Variants in NBPF12 observed in about 807,000 individuals in gnomAD.
The protein encoded by NBPF12 is NBPF member 12, also known as NBPF family member NBPF12.
In NBPF12, 115 loss-of-function variants were observed where a neutral mutation model predicts 146.4. The observed-to-expected ratio is 0.79, with a 90% CI of 0.68 to 0.92. The LOEUF (loss-of-function observed/expected upper bound fraction) is 0.92. NBPF12 is among the 40% of genes least tolerant of loss of function. The pLI, the probability that NBPF12 is intolerant of heterozygous loss-of-function variation, is 0.00. For missense variants in NBPF12, 1,205 were observed against 1,326.8 expected (o/e 0.91, Z 1.43); for synonymous variants, 385 against 508.9 (o/e 0.76, Z 3.28).
chr1:146,939,322 G>C (rs1378608183), intron 1 of NBPF12, among the ~76,000 whole-genome samples: 1 of 152,006 alleles, frequency 6.6e-6, no homozygotes. Flanking sequence ...CCCCACCCTC[G>C]AGGCCGTTCC....
intron 4 of NBPF12, 112 bp from the exon 8 acceptor site, chr1:146,962,049 G>C: frequency 3.4e-6 from 3 of 873,640 alleles, no homozygotes; most frequent in South Asian, 1.4e-5. Flanking sequence ...CTAGACCCTG[G>C]TACTGGGGAG....
chr1:146,982,549 G>T (rs1293244838), intron 19 of NBPF12, among the ~76,000 whole-genome samples: 1 of 152,102 alleles, frequency 6.6e-6, no homozygotes, highest in East Asian at 1.9e-4. Flanking sequence ...CAAGATCTGT[G>T]TCTGCATTGG....
At chr1:146,954,558 G>A (rs1192409099) in intron 2 of NBPF12, among the ~76,000 whole-genome samples, 19 of 150,506 alleles carry the variant, frequency 1.3e-4, no homozygotes, top group African/African-American at 2.7e-4. Flanking sequence ...TCAGTTCTTC[G>A]TAAATTGATC....
In NBPF12 at chr1:146,970,737, G is replaced by T; in HGVS notation, c.1379+18G>T. 4 of 1,333,234 alleles carry T rather than the reference G, an allele frequency of 3.0e-6. No individual in the cohort carries two copies. The highest frequency in any genetic ancestry group is 4.3e-6 in the Non-Finnish European group (4 of 926,542). 82.6% of individuals were successfully genotyped at this position (1,333,234 alleles called of 1,614,324 possible). A position where few individuals can be genotyped will look rare whatever the true frequency, so the allele number is the denominator to read the frequency against. On this transcript the variant is annotated intron_variant, in intron 12 of 33. Coordinates refer to ENST00000617844, the Ensembl canonical transcript of NBPF12. ...TCCCCCAGGTGACACTGAATACTCA[G>T]GAGCAAGTAATGGGTGTTAACATAT... is the stretch of plus-strand genomic sequence containing the variant.
At position 146,974,849 on chromosome 1, in the gene NBPF12, G is replaced by T; in HGVS notation, c.1904+8G>T. 7.7e-7 allele frequency: 1 copy of T among 1,296,600 alleles called. No individual in the cohort carries two copies. Among genetic ancestry groups the T allele is most frequent in the Non-Finnish European group, 1.0e-6 (1 of 955,626 alleles). The allele number at this position is 1,296,600 out of a possible 1,614,324, so 80.3% of individuals were successfully genotyped here. A position where few individuals can be genotyped will look rare whatever the true frequency, so the allele number is the denominator to read the frequency against. On this transcript the variant is annotated splice_region_variant and intron_variant, in intron 15 of 33. Coordinates refer to ENST00000617844, the Ensembl canonical transcript of NBPF12. ...GCAAGCTGAGGAGCTCAGGTGAGGG[G>T]ACCCCATGGGGGCAGACAGGGGGGC...
intron 2 of NBPF12, among the ~76,000 whole-genome samples, chr1:146,956,451 C>T (rs1202037078): frequency 1.7e-3 from 254 of 151,658 alleles, no homozygotes; most frequent in African/African-American, 5.7e-3. Context: ...CATTTGTAAA[C>T]GTGCATTGAA....
chr1:146,984,960 T>C (rs1330762493), exon 22 of NBPF12: 194 of 1,356,232 alleles, frequency 1.4e-4, no homozygotes, highest in Non-Finnish European at 1.9e-4. Context: ...AGCAACAGCG[T>C]GTTGGCTTGG....
intron 9 of NBPF12, among the ~76,000 whole-genome samples, chr1:146,966,885 A>T (rs1397018975): frequency 6.7e-6 from 1 of 150,126 alleles, no homozygotes; most frequent in Non-Finnish European, 1.5e-5. Context: ...TGGGGGTGGG[A>T]CTAGAGTTAA....
chr1:146,961,681 A>T (rs1655860047), intron 4 of NBPF12, among the ~76,000 whole-genome samples: 1 of 152,026 alleles, frequency 6.6e-6, no homozygotes, highest in African/African-American at 2.4e-5. Flanking sequence ...CCATATCTGA[A>T]TATTGATTTA....
chr1:146,975,890 A>T, exon 16 of NBPF12: 1 of 1,610,510 alleles, frequency 6.2e-7, no homozygotes, highest in Non-Finnish European at 8.5e-7. Flanking sequence ...AGCTCAGCCC[A>T]GGTAAGGTGG....
chr1:146,972,386 G>T (rs1301171583), intron 13 of NBPF12, among the ~76,000 whole-genome samples: 117 of 150,368 alleles, frequency 7.8e-4, no homozygotes, highest in Admixed American at 6.6e-4. Context: ...AGAGTGAGAC[G>T]CCGTCTCAAA....
Position 146,973,035 on chromosome 1 carries a change from C to T in NBPF12, c.1801+75C>T. 8 of 782,216 alleles carry T rather than the reference C, an allele frequency of 1.0e-5. No homozygotes were observed. In the South Asian group the frequency reaches 1.1e-4, roughly 11 times the overall value. The allele number at this position is 782,216 out of a possible 1,614,324, so 48.5% of individuals were successfully genotyped here. A position where few individuals can be genotyped will look rare whatever the true frequency, so the allele number is the denominator to read the frequency against. Reference sequence around the variant, plus strand: ...TTCTCTCTGAGAAACTAAGTGCTCTCTCCATCAAAAATAATGTCATCCTCC... The same window carrying T: ...TTCTCTCTGAGAAACTAAGTGCTCTTTCCATCAAAAATAATGTCATCCTCC... On this transcript the variant is annotated intron_variant, in intron 14 of 33. Transcript: ENST00000617844.
At chr1:146,974,940 G>T (rs1656884903) in intron 15 of NBPF12, 99 bp downstream of exon 18, 1 of 586,268 alleles carries the variant, frequency 1.7e-6, no homozygotes, top group Non-Finnish European at 2.9e-6. Flanking sequence ...TGGGCCAGGG[G>T]AAGGGCAGGA....
At chr1:146,952,964 A>C (rs1339659678) in intron 2 of NBPF12, among the ~76,000 whole-genome samples, 1 of 150,814 alleles carries the variant, frequency 6.6e-6, no homozygotes, top group Admixed American at 6.6e-5. Flanking sequence ...GCTCCCACCA[A>C]GGAAGACCCA....
At chr1:146,992,432 C>T (rs1210856107) in intron 31 of NBPF12, among the ~76,000 whole-genome samples, 4 of 125,658 alleles carry the variant, frequency 3.2e-5, no homozygotes, top group Non-Finnish European at 6.5e-5. Flanking sequence ...TCACTGAGCT[C>T]GTTCTCTCTC....
In NBPF12 at chr1:146,986,022, T is replaced by G. The variant is rs1344624072; in HGVS notation, c.2891+266T>G. Reference sequence around the variant, plus strand: ...CTTGAGCAAGTTTATGGAAAATTATTGAGCCCACTGTTTTCATGATCACTG... The same window carrying G: ...CTTGAGCAAGTTTATGGAAAATTATGGAGCCCACTGTTTTCATGATCACTG... On this transcript the variant is annotated intron_variant, in intron 23 of 33. Coordinates refer to ENST00000617844, the Ensembl canonical transcript of NBPF12. Among the ~76,000 whole-genome samples, 130 of 151,962 alleles carry G rather than the reference T, an allele frequency of 8.6e-4. 1 individual carries two copies. Among genetic ancestry groups the G allele is most frequent in the African/African-American group, 2.9e-3 (118 of 41,214 alleles).
At chr1:146,981,353 T>C (rs1223771856) in intron 19 of NBPF12, among the ~76,000 whole-genome samples, 3 of 146,904 alleles carry the variant, frequency 2.0e-5, no homozygotes, top group Admixed American at 6.9e-5. Context: ...ACTATACATA[T>C]GGAAAAAAAA....
chr1:146,980,032 C>T (rs1204284612), intron 19 of NBPF12, among the ~76,000 whole-genome samples: 122 of 144,248 alleles, frequency 8.5e-4, no homozygotes, highest in Non-Finnish European at 1.5e-3. Context: ...GGATAGTTAA[C>T]TCTTCTTGTT....
At chr1:146,939,906 C>T (rs1654718149) in intron 1 of NBPF12, among the ~76,000 whole-genome samples, 1 of 151,576 alleles carries the variant, frequency 6.6e-6, no homozygotes. Flanking sequence ...TCGCTTGAAC[C>T]TGGGAGGCGG....
Sources: gnomAD v4.1 joint callset for allele counts (sites outside exome capture counted in the v4.1 genomes callset) on GRCh38, gnomAD v4.1.1 for gene constraint, MANE v1.5 for transcripts, NCBI Gene and HGNC (gene_info 2026-07-23, HGNC 2026-07-21) for gene names.